Variants in ATP10D observed in about 807,000 individuals in gnomAD.
The protein encoded by ATP10D is phospholipid-transporting ATPase VD.
ATP10D carries 89 observed loss-of-function variants against 144.8 expected under a neutral mutation model. The ratio of observed to expected loss-of-function variants is 0.61; its 90% CI spans 0.52 to 0.73. The LOEUF (loss-of-function observed/expected upper bound fraction) is 0.73. ATP10D is among the 30% of genes least tolerant of loss of function. ATP10D has a pLI of 0.00. For missense variants in ATP10D, 1,603 were observed against 1,714.8 expected (o/e 0.93, Z 1.15); for synonymous variants, 571 against 615.1 (o/e 0.93, Z 1.06).
At chr4:47,585,865 G>C (rs1442245999) in intron 21 of ATP10D, among the ~76,000 whole-genome samples, 1 of 152,144 alleles carries the variant, frequency 6.6e-6, no homozygotes, top group Non-Finnish European at 1.5e-5. Flanking sequence ...CCATCGTGTA[G>C]ATATACCACA....
In ATP10D at chr4:47,592,362, A is replaced by G. The variant is rs1173083432; in HGVS notation, c.*981A>G. 6.6e-6 allele frequency: 1 copy of G among 152,558 alleles called. No individual in the cohort carries two copies. The highest frequency in any genetic ancestry group is 1.9e-4 in the East Asian group (1 of 5,200). 9.5% of individuals were successfully genotyped at this position (152,558 alleles called of 1,614,324 possible). On this transcript the variant is annotated 3_prime_UTR_variant, in exon 23 of 23. Transcript: ENST00000273859. ...TGGAGCCTCTAAAATATGAGATATAAACAGAAACTAATACAAGTTGTTCTC... is the reference window on the plus strand; with the variant it reads ...TGGAGCCTCTAAAATATGAGATATAGACAGAAACTAATACAAGTTGTTCTC...
At position 47,546,753 on chromosome 4, in the gene ATP10D, T is replaced by G. The variant is rs1237258989; in HGVS notation, c.1526T>G (p.Leu509Trp). Residue 509 changes from leucine (L) to tryptophan (W), a missense_variant, in exon 10 of 23, where the codon TTG becomes TGG. By Grantham distance (61) the Leu-to-Trp change is moderately conservative. Coordinates refer to ENST00000273859, the MANE Select transcript of ATP10D (RefSeq NM_020453.4). ...TGCAGGACAGTTCATAATGGGCCTTTGGGAAATAAGCCCTCAAATCATCTT... is the reference window on the plus strand; with the variant it reads ...TGCAGGACAGTTCATAATGGGCCTTGGGGAAATAAGCCCTCAAATCATCTT... ...PSCRTVHNGP[L>W]GNKPSNHLAG... is the part of the protein sequence containing the mutation. 1 of 1,614,106 alleles carries G rather than the reference T, an allele frequency of 6.2e-7. No homozygotes were observed.
chr4:47,526,885 C>G (rs972031432), intron 5 of ATP10D, among the ~76,000 whole-genome samples: 5 of 148,580 alleles, frequency 3.4e-5, no homozygotes, highest in Admixed American at 2.0e-4. Flanking sequence ...AAATCAGTTT[C>G]CCCCCAGATT....
chr4:47,582,152 G>A, intron 21 of ATP10D, 88 bp downstream of exon 21: 1 of 1,073,002 alleles, frequency 9.3e-7, no homozygotes, highest in Non-Finnish European at 1.4e-6. Flanking sequence ...GAAGATAAGT[G>A]GTAATGAGAA....
At position 47,512,499 on chromosome 4, in the gene ATP10D, G is replaced by T. The variant is rs1303343242; in HGVS notation, c.-37-5G>T. 2.0e-6 allele frequency: 3 copies of T among 1,534,416 alleles called. No homozygotes were observed. The highest frequency in any genetic ancestry group is 2.0e-5 in the Admixed American group (1 of 49,594). The stretch of plus-strand genomic sequence containing the variant: ...ATGGAAGTGTGGTTTTTGTTTGTTT[G>T]CCAGGTCAGCTACACAACCTGGATC... On this transcript the variant is annotated splice_region_variant and splice_polypyrimidine_tract_variant and intron_variant, in intron 1 of 22. Transcript: ENST00000273859.
At chr4:47,581,055 C>A (rs1484470263) in intron 20 of ATP10D, among the ~76,000 whole-genome samples, 1 of 151,906 alleles carries the variant, frequency 6.6e-6, no homozygotes, top group African/African-American at 2.4e-5. Flanking sequence ...AGAGTGAGAC[C>A]CTGTCTTAAA....
chr4:47,490,252 C>A, intron 1 of ATP10D, among the ~76,000 whole-genome samples: 1 of 152,046 alleles, frequency 6.6e-6, no homozygotes, highest in Non-Finnish European at 1.5e-5. Context: ...GAGAGATGTC[C>A]TCAGATATTT....
At chr4:47,507,850 CGTG>C (rs1208391318) in intron 1 of ATP10D, among the ~76,000 whole-genome samples, 1 of 152,022 alleles carries the variant, frequency 6.6e-6, no homozygotes, top group African/African-American at 2.4e-5. Context: ...TCCCTCATTC[CGTG>C]GTCAAGCTAA....
intron 10 of ATP10D, among the ~76,000 whole-genome samples, chr4:47,549,008 G>A (rs945380550): frequency 2.6e-5 from 4 of 152,278 alleles, no homozygotes; most frequent in South Asian, 2.1e-4. Context: ...CCCTTCAAAG[G>A]AGGCGAGTTA....
chr4:47,496,065 AT>A (rs1715348025), intron 1 of ATP10D, among the ~76,000 whole-genome samples: 1 of 151,618 alleles, frequency 6.6e-6, no homozygotes, highest in Non-Finnish European at 1.5e-5. Flanking sequence ...GCTGTCTTAT[AT>A]TTCCATTAGA....
Position 47,572,937 on chromosome 4 carries a change from T to C in ATP10D, c.3306T>C (p.His1102=), listed in dbSNP as rs757438980. 3 of 1,614,026 alleles carry C rather than the reference T, an allele frequency of 1.9e-6. No individual in the cohort carries two copies. The highest frequency in any genetic ancestry group is 1.1e-5 in the South Asian group (1 of 91,086). Residue 1102 remains histidine (H), a synonymous_variant, in exon 18 of 23, where the codon CAT becomes CAC. Transcript: ENST00000273859. ...ATCTCAGCAAGCTCCTTCTTGTCCA[T>C]GGACACTGGTGTTATACACGGCTTT... ...FKHLSKLLLV[H]GHWCYTRLSN...
At chr4:47,584,676 G>A (rs1324672163) in intron 21 of ATP10D, among the ~76,000 whole-genome samples, 5 of 152,156 alleles carry the variant, frequency 3.3e-5, no homozygotes, top group East Asian at 1.9e-4. Context: ...GATTACAGGC[G>A]TGAGCCACTG....
intron 15 of ATP10D, 37 bp from the exon 16 acceptor site, chr4:47,568,800 C>A: frequency 6.4e-7 from 1 of 1,565,250 alleles, no homozygotes. Context: ...ACACCAAGGG[C>A]GCCTGGAGGC....
intron 9 of ATP10D, among the ~76,000 whole-genome samples, chr4:47,546,404 G>A (rs1718432959): frequency 6.6e-6 from 1 of 152,132 alleles, no homozygotes; most frequent in African/African-American, 2.4e-5. Flanking sequence ...AGATAAGTAG[G>A]TAGATTTGAC....
At chr4:47,563,207 C>T (rs548217253) in intron 14 of ATP10D, among the ~76,000 whole-genome samples, 1 of 152,238 alleles carries the variant, frequency 6.6e-6, no homozygotes, top group South Asian at 2.1e-4. Flanking sequence ...TGCGTTTGTG[C>T]CCCCTAAGTC....
chr4:47,520,097 G>A (rs1335541423), intron 3 of ATP10D, among the ~76,000 whole-genome samples: 1 of 152,136 alleles, frequency 6.6e-6, no homozygotes, highest in African/African-American at 2.4e-5. Flanking sequence ...TTAGAGCAAT[G>A]TTACTTCTTA....
chr4:47,561,472 T>C (rs1719298434), intron 14 of ATP10D, among the ~76,000 whole-genome samples: 1 of 152,180 alleles, frequency 6.6e-6, no homozygotes, highest in Admixed American at 6.5e-5. Flanking sequence ...CTCTATCTTA[T>C]GTAGAGGAAA....
chr4:47,504,776 A>G (rs7671503), intron 1 of ATP10D, among the ~76,000 whole-genome samples: 151,279 of 152,310 alleles, frequency 0.99, 75,133 homozygotes, highest in East Asian at 1. Context: ...TGTTAGCCAA[A>G]ATGGTCTCGA....
intron 9 of ATP10D, among the ~76,000 whole-genome samples, chr4:47,544,422 C>A (rs570934285): frequency 6.2e-4 from 94 of 152,200 alleles, no homozygotes; most frequent in African/African-American, 2.2e-3. Flanking sequence ...ATATTTCAAG[C>A]AAAGGCATAG....
Sources: gnomAD v4.1 joint callset for allele counts (sites outside exome capture counted in the v4.1 genomes callset) on GRCh38, gnomAD v4.1.1 for gene constraint, MANE v1.5 for transcripts, NCBI Gene and HGNC (gene_info 2026-07-23, HGNC 2026-07-21) for gene names.